Variants in MPPED2 observed in about 807,000 individuals in gnomAD.
The protein encoded by MPPED2 is metallophosphoesterase domain containing 2, also known as metallophosphoesterase MPPED2.
Under a neutral mutation model 33.0 loss-of-function variants are expected in MPPED2, and 5 were observed. The observed-to-expected ratio is 0.15, with a 90% CI of 0.08 to 0.32. The LOEUF is 0.32. MPPED2 is among the 10% of genes least tolerant of loss of function. The probability of loss-of-function intolerance (pLI) is 1.00; values close to 1 mark genes in which losing one functional copy is unlikely to be tolerated. For synonymous variants in MPPED2, 136 were observed against 141.9 expected, an observed-to-expected ratio of 0.96 and a Z score of 0.29; for missense variants, 275 against 372.1, an observed-to-expected ratio of 0.74 and a Z score of 2.15.
intron 4 of MPPED2, among the ~76,000 whole-genome samples, chr11:30,443,072 A>G (rs1013442261): frequency 5.9e-5 from 9 of 152,246 alleles, no homozygotes; most frequent in African/African-American, 1.9e-4. Flanking sequence ...CAGACACAAT[A>G]TAAATTTATA....
At chr11:30,438,436 A>C (rs1340427778) in intron 4 of MPPED2, among the ~76,000 whole-genome samples, 3 of 152,244 alleles carry the variant, frequency 2.0e-5, no homozygotes, top group African/African-American at 7.2e-5. Flanking sequence ...CGGTCAAACC[A>C]AAGTGGCTGA....
chr11:30,544,579 T>C (rs1394780054), intron 2 of MPPED2, among the ~76,000 whole-genome samples: 2 of 152,224 alleles, frequency 1.3e-5, no homozygotes, highest in African/African-American at 4.8e-5. Flanking sequence ...AGTCATTTCA[T>C]AAGCATTTAT....
At chr11:30,581,518 A>G (rs898569762) in intron 1 of MPPED2, among the ~76,000 whole-genome samples, 3 of 152,230 alleles carry the variant, frequency 2.0e-5, no homozygotes, top group African/African-American at 7.2e-5. Context: ...TAGGTAACCC[A>G]TGCTCTTACT....
At chr11:30,463,037 T>A (rs944264491) in intron 4 of MPPED2, among the ~76,000 whole-genome samples, 1 of 152,222 alleles carries the variant, frequency 6.6e-6, no homozygotes, top group Admixed American at 6.5e-5. Flanking sequence ...AATAGTTCAA[T>A]GACTTTGCAA....
rs536853588 is a variant in MPPED2 at position 30,436,120 on chromosome 11, TA to T, written c.537-18488del. On this transcript the variant is annotated intron_variant, in intron 4 of 6. Coordinates refer to ENST00000358117, the MANE Select transcript of MPPED2 (RefSeq NM_001584.3). Reference sequence around the variant, plus strand: ...GCCAACCTGAGATAAGAGAGCTTAGTATTTTAGTATTTGAATTACTTAATTT... The same window carrying T: ...GCCAACCTGAGATAAGAGAGCTTAGTTTTTAGTATTTGAATTACTTAATTT... Among the ~76,000 whole-genome samples the T allele has an allele frequency of 1.4e-4, 21 of 151,440 alleles. No individual in the cohort carries two copies. The East Asian group carries it at 2.9e-3, about 21-fold the overall frequency.
rs144986606 is a variant in MPPED2, at chr11:30,570,019, C to T, written c.128+10227G>A. On this transcript the variant is annotated intron_variant, in intron 2 of 6. Transcript: ENST00000358117. ...TTTCCCTCTCTCCTTCACAAATACGCCCATTTCTCCTCTTGTTCCCTCTAT... is the reference window on the plus strand; with the variant it reads ...TTTCCCTCTCTCCTTCACAAATACGTCCATTTCTCCTCTTGTTCCCTCTAT... Among the ~76,000 whole-genome samples the T allele has an allele frequency of 1.8e-3, 277 of 152,244 alleles. 1 individual carries two copies. Among genetic ancestry groups the T allele is most frequent in the African/African-American group, 6.4e-3 (265 of 41,544 alleles).
intron 4 of MPPED2, among the ~76,000 whole-genome samples, chr11:30,471,154 C>T (rs555077465): frequency 6.6e-5 from 10 of 152,276 alleles, no homozygotes; most frequent in South Asian, 4.1e-4. Context: ...CTGTCTTCTC[C>T]GCTTGTCTTG....
At chr11:30,419,259 G>T (rs566198076) in intron 4 of MPPED2, among the ~76,000 whole-genome samples, 19 of 152,162 alleles carry the variant, frequency 1.2e-4, no homozygotes, top group African/African-American at 3.4e-4. Context: ...GGCACAGAGA[G>T]GTTAGGTAAA....
rs371253685 is a variant in MPPED2 at position 30,410,282 on chromosome 11, T to C, written c.*1186A>G. ...GGCCGCTAGATATAGAATATCACAATAAATTTAAAGAAACAACTGCTTTCC... is the reference window on the plus strand; with the variant it reads ...GGCCGCTAGATATAGAATATCACAACAAATTTAAAGAAACAACTGCTTTCC... On this transcript the variant is annotated 3_prime_UTR_variant, in exon 7 of 7. Coordinates refer to ENST00000358117, the MANE Select transcript of MPPED2 (RefSeq NM_001584.3). The C allele has an allele frequency of 2.3e-4, 223 of 985,268 alleles. 1 individual carries two copies. The African/African-American group carries it at 3.5e-3, about 16-fold the overall frequency. The allele number at this position is 985,268 out of a possible 1,614,324, so 61.0% of individuals were successfully genotyped here. A position where few individuals can be genotyped will look rare whatever the true frequency, so the allele number is the denominator to read the frequency against.
intron 4 of MPPED2, chr11:30,441,234 C>T (rs1178699360): frequency 2.0e-5 from 3 of 152,130 alleles, no homozygotes; most frequent in Non-Finnish European, 4.4e-5. Flanking sequence ...AGGAAATGCC[C>T]TTTTAATTAC....
At chr11:30,399,750 G>C (rs1024036229) in intron 6 of MPPED2, among the ~76,000 whole-genome samples, 1 of 151,988 alleles carries the variant, frequency 6.6e-6, no homozygotes, top group African/African-American at 2.4e-5. Context: ...CCAAATTAAG[G>C]TCATAAACTC....
chr11:30,474,291 T>C (rs1287898531), intron 4 of MPPED2, among the ~76,000 whole-genome samples: 1 of 152,188 alleles, frequency 6.6e-6, no homozygotes, highest in African/African-American at 2.4e-5. Context: ...GGAAGACAAC[T>C]AGGACCAGGA....
chr11:30,424,264 G>C (rs1043796496), intron 4 of MPPED2, among the ~76,000 whole-genome samples: 1 of 152,184 alleles, frequency 6.6e-6, no homozygotes, highest in African/African-American at 2.4e-5. Flanking sequence ...GAATTGACAA[G>C]CTACTAATTA....
At chr11:30,437,818 A>G (rs1026580328) in intron 4 of MPPED2, among the ~76,000 whole-genome samples, 1 of 151,982 alleles carries the variant, frequency 6.6e-6, no homozygotes, top group Non-Finnish European at 1.5e-5. Context: ...GTGCCTCCAG[A>G]GCCAAGGAGC....
At position 30,541,022 on chromosome 11, in the gene MPPED2, G is replaced by T. The variant is rs138092461; in HGVS notation, c.129-4847C>A. On this transcript the variant is annotated intron_variant, in intron 2 of 6. Coordinates refer to ENST00000358117, the MANE Select transcript of MPPED2 (RefSeq NM_001584.3). Reference sequence around the variant, plus strand: ...GGTCTGTGTGAATTCATGAACCAATGAGCTGTTCATCAAAGACAGATGCTA... The same window carrying T: ...GGTCTGTGTGAATTCATGAACCAATTAGCTGTTCATCAAAGACAGATGCTA... Among the ~76,000 whole-genome samples the T allele has an allele frequency of 3.9e-3, 587 of 152,304 alleles. 3 individuals carry two copies. The highest frequency in any genetic ancestry group is 0.011 in the African/African-American group (461 of 41,564).
At chr11:30,472,127 G>A (rs956824646) in intron 4 of MPPED2, among the ~76,000 whole-genome samples, 10 of 152,182 alleles carry the variant, frequency 6.6e-5, no homozygotes, top group Admixed American at 1.3e-4. Context: ...ACTTTGCGGG[G>A]GCAAGGCTGG....
chr11:30,512,732 G>A (rs1323534170), intron 3 of MPPED2, among the ~76,000 whole-genome samples: 1 of 152,168 alleles, frequency 6.6e-6, no homozygotes, highest in Non-Finnish European at 1.5e-5. Context: ...TGGGTGCAGT[G>A]GCTCACGCCT....
chr11:30,453,024 G>A (rs1227954954), intron 4 of MPPED2, among the ~76,000 whole-genome samples: 1 of 152,172 alleles, frequency 6.6e-6, no homozygotes, highest in Non-Finnish European at 1.5e-5. Context: ...TTGCTGCAAG[G>A]ATGCAAAATG....
At chr11:30,557,235 T>C (rs1024981360) in intron 2 of MPPED2, among the ~76,000 whole-genome samples, 2 of 148,604 alleles carry the variant, frequency 1.3e-5, no homozygotes, top group Non-Finnish European at 2.9e-5. Flanking sequence ...AATATATATA[T>C]CAAAACTCTG....
Sources: gnomAD v4.1 joint callset for allele counts (sites outside exome capture counted in the v4.1 genomes callset) on GRCh38, gnomAD v4.1.1 for gene constraint, MANE v1.5 for transcripts, NCBI Gene and HGNC (gene_info 2026-07-23, HGNC 2026-07-21) for gene names.